Variants in SYT17 observed in about 807,000 individuals in gnomAD.
SYT17 encodes the protein synaptotagmin-17.
SYT17 carries 22 observed loss-of-function variants against 46.7 expected under a neutral mutation model. The observed-to-expected ratio is 0.47, with a 90% CI of 0.34 to 0.67. The LOEUF is 0.67. Ranked by LOEUF, SYT17 falls within the 30% of genes least tolerant of loss-of-function variation. The pLI, the probability that SYT17 is intolerant of heterozygous loss-of-function variation, is 0.01. For synonymous variants in SYT17, 251 were observed against 248.4 expected (o/e 1.01, Z -0.10); for missense variants, 519 against 612.8 (o/e 0.85, Z 1.62).
chr16:19,224,663 A>T lies in SYT17; in HGVS notation c.1073-20A>T. The T allele has an allele frequency of 6.2e-7, 1 of 1,613,604 alleles. No individual in the cohort carries two copies. Among genetic ancestry groups the T allele is most frequent in the Middle Eastern group, 1.7e-4 (1 of 6,058 alleles). On this transcript the variant is annotated intron_variant, in intron 6 of 7. Coordinates refer to ENST00000355377, the MANE Select transcript of SYT17 (RefSeq NM_016524.4). ...GTTTCATGATCTCCAACATTCTATGATGCTGTGTCTAATTTTCAGACCCCT... is the reference window on the plus strand; with the variant it reads ...GTTTCATGATCTCCAACATTCTATGTTGCTGTGTCTAATTTTCAGACCCCT...
chr16:19,254,440 A>G (rs1298623380), intron 7 of SYT17, among the ~76,000 whole-genome samples: 3 of 152,126 alleles, frequency 2.0e-5, no homozygotes, highest in African/African-American at 7.2e-5. Context: ...CCCCAAACCA[A>G]TCAACAGAAT....
At chr16:19,223,285 T>C (rs1416271925) in intron 6 of SYT17, 120 bp downstream of exon 6, 2 of 1,247,802 alleles carry the variant, frequency 1.6e-6, no homozygotes, top group Non-Finnish European at 2.2e-6. Flanking sequence ...ATGAGGCAGG[T>C]AAATGATGCC....
At chr16:19,234,646 T>C (rs1041679196) in intron 7 of SYT17, among the ~76,000 whole-genome samples, 1 of 152,180 alleles carries the variant, frequency 6.6e-6, no homozygotes, top group African/African-American at 2.4e-5. Context: ...CTTGGCCCCA[T>C]GATAAATCAG....
intron 7 of SYT17, among the ~76,000 whole-genome samples, chr16:19,251,088 A>T (rs1278688641): frequency 2.0e-5 from 3 of 152,228 alleles, no homozygotes; most frequent in African/African-American, 7.2e-5. Context: ...CACAATTTAC[A>T]TATCCATTCT....
rs753414027 is a variant in SYT17 at position 19,252,430 on chromosome 16, T to C, written c.1229-14450T>C. Among the ~76,000 whole-genome samples, 149 of 28,678 alleles carry C rather than the reference T, an allele frequency of 5.2e-3. 53 individuals carry two copies. Among genetic ancestry groups the C allele is most frequent in the Middle Eastern group, 8.9e-3 (1 of 112 alleles). 18.8% of individuals were successfully genotyped at this position (28,678 alleles called of 152,430 possible). A position where few individuals can be genotyped will look rare whatever the true frequency, so the allele number is the denominator to read the frequency against. On this transcript the variant is annotated intron_variant, in intron 7 of 7. Transcript: ENST00000355377. ...ATATATATATACATATATATATACATATATATACATATATATACACATATA... is the reference window on the plus strand; with the variant it reads ...ATATATATATACATATATATATACACATATATACATATATATACACATATA...
chr16:19,201,589 A>G (rs1965466093), intron 5 of SYT17, among the ~76,000 whole-genome samples: 1 of 151,730 alleles, frequency 6.6e-6, no homozygotes, highest in Non-Finnish European at 1.5e-5. Context: ...GACTGAGAGA[A>G]GGTGCCATTT....
intron 7 of SYT17, among the ~76,000 whole-genome samples, chr16:19,243,156 G>A (rs918913761): frequency 6.6e-6 from 1 of 152,114 alleles, no homozygotes; most frequent in African/African-American, 2.4e-5. Flanking sequence ...GCAAAACAAA[G>A]CAAACAGGTG....
Position 19,219,444 on chromosome 16 carries a change from A to AAATAAT in SYT17, c.952-3583_952-3578dup, listed in dbSNP as rs767001468. Among the ~76,000 whole-genome samples the AAATAAT allele has an allele frequency of 6.5e-3, 792 of 121,954 alleles. 261 individuals are homozygous for AAATAAT. Among genetic ancestry groups the AAATAAT allele is most frequent in the Middle Eastern group, 0.023 (5 of 218 alleles). The allele number at this position is 121,954 out of a possible 152,430, so 80.0% of individuals were successfully genotyped here. A position where few individuals can be genotyped will look rare whatever the true frequency, so the allele number is the denominator to read the frequency against. ...AAAAAAAAAAAAAAAAAAAAAAAAA[A>AAATAAT]AATAATAATAATAATAATAATAAAA... On this transcript the variant is annotated intron_variant, in intron 5 of 7. Transcript: ENST00000355377.
intron 5 of SYT17, among the ~76,000 whole-genome samples, chr16:19,185,877 C>T (rs1964767623): frequency 6.6e-6 from 1 of 152,234 alleles, no homozygotes; most frequent in Non-Finnish European, 1.5e-5. Context: ...AATGTGTCGC[C>T]TTCCAGTGCA....
intron 7 of SYT17, among the ~76,000 whole-genome samples, chr16:19,259,850 A>G (rs1489129801): frequency 2.6e-5 from 4 of 152,172 alleles, no homozygotes; most frequent in Non-Finnish European, 5.9e-5. Flanking sequence ...CCTGTGCATG[A>G]AACAGCCTCA....
chr16:19,266,044 G>A (rs1231092180), intron 7 of SYT17, among the ~76,000 whole-genome samples: 2 of 152,248 alleles, frequency 1.3e-5, no homozygotes, highest in Non-Finnish European at 2.9e-5. Flanking sequence ...GGCACTGTGT[G>A]CTGAGAGCTT....
At chr16:19,196,077 C>T (rs556800186) in intron 5 of SYT17, among the ~76,000 whole-genome samples, 1 of 151,954 alleles carries the variant, frequency 6.6e-6, no homozygotes, top group East Asian at 1.9e-4. Flanking sequence ...AACCCAGGTG[C>T]CAGAAGGTCA....
chr16:19,197,426 T>TTTCG (rs1965292152), intron 5 of SYT17, among the ~76,000 whole-genome samples: 1 of 150,284 alleles, frequency 6.7e-6, no homozygotes, highest in African/African-American at 2.5e-5. Flanking sequence ...TTTTGTTTTG[T>TTTCG]TTTGTTTGTT....
rs149242392 is a variant in SYT17, at chr16:19,230,515, C to T, written c.1228+5677C>T. On this transcript the variant is annotated intron_variant, in intron 7 of 7. Transcript: ENST00000355377. Reference sequence around the variant, plus strand: ...TAAAAATGGTTACTTTTATGTTACACGTATTTTGCTATAATTAGAAGGAAA... The same window carrying T: ...TAAAAATGGTTACTTTTATGTTACATGTATTTTGCTATAATTAGAAGGAAA... Among the ~76,000 whole-genome samples, 903 of 151,998 alleles carry T rather than the reference C, an allele frequency of 5.9e-3. 9 individuals are homozygous for T. Among genetic ancestry groups the T allele is most frequent in the African/African-American group, 0.02 (825 of 41,458 alleles).
rs1198357553 is a variant in SYT17, at chr16:19,223,028, A to T, written c.952-17A>T. On this transcript the variant is annotated splice_polypyrimidine_tract_variant and intron_variant, in intron 5 of 7. Transcript: ENST00000355377. Reference sequence around the variant, plus strand: ...AAAAGGAGAAGGCAACTTCCTGATCATTTCCTTTCTCTACAGAATGAAGTG... The same window carrying T: ...AAAAGGAGAAGGCAACTTCCTGATCTTTTCCTTTCTCTACAGAATGAAGTG... 6.2e-7 allele frequency: 1 copy of T among 1,613,692 alleles called. No individual in the cohort carries two copies. The highest frequency in any genetic ancestry group is 8.5e-7 in the Non-Finnish European group (1 of 1,179,700).
At chr16:19,224,533 A>C in intron 6 of SYT17, 150 bp from the exon 7 acceptor site, 1 of 781,796 alleles carries the variant, frequency 1.3e-6, no homozygotes, top group Non-Finnish European at 2.0e-6. Flanking sequence ...GAATGGACGG[A>C]CTATGAGATG....
chr16:19,196,798 C>A (rs1408724435), intron 5 of SYT17, among the ~76,000 whole-genome samples: 2 of 152,098 alleles, frequency 1.3e-5, no homozygotes, highest in Non-Finnish European at 1.5e-5. Flanking sequence ...TGGGTTTGGA[C>A]AAATGTATAA....
intron 3 of SYT17, among the ~76,000 whole-genome samples, chr16:19,178,445 C>T (rs1360362923): frequency 1.3e-5 from 2 of 151,980 alleles, no homozygotes; most frequent in African/African-American, 4.8e-5. Flanking sequence ...GTGCATGCCA[C>T]CACGTCAGGT....
chr16:19,203,289 A>G (rs960652481), intron 5 of SYT17, among the ~76,000 whole-genome samples: 5 of 151,758 alleles, frequency 3.3e-5, no homozygotes, highest in African/African-American at 1.2e-4. Context: ...TCAGGAGTTC[A>G]AGACCAGCCT....
Sources: gnomAD v4.1 joint callset for allele counts (sites outside exome capture counted in the v4.1 genomes callset) on GRCh38, gnomAD v4.1.1 for gene constraint, MANE v1.5 for transcripts, NCBI Gene and HGNC (gene_info 2026-07-23, HGNC 2026-07-21) for gene names.